Variants in PCDHA6 observed in about 807,000 individuals in gnomAD.
The protein encoded by PCDHA6 is protocadherin alpha 6.
Under a neutral mutation model 60.3 loss-of-function variants are expected in PCDHA6, and 55 were observed. That is an observed-to-expected ratio of 0.91 (90% CI 0.73 to 1.14). The LOEUF is 1.14. Ranked by LOEUF, PCDHA6 falls within the 50% of genes most tolerant of loss-of-function variation. PCDHA6 has a pLI of 0.00. For missense variants in PCDHA6, 1,327 were observed against 1,256.5 expected, an observed-to-expected ratio of 1.06 and a Z score of -0.85; for synonymous variants, 652 against 557.9, an observed-to-expected ratio of 1.17 and a Z score of -2.38.
rs890605582 is a variant in PCDHA6 at position 140,851,133 on chromosome 5, T to C, written c.2394+20648T>C. Reference sequence around the variant, plus strand: ...GAATCAATTTTATTTAAATTTGTGATTAAAGTGACATTGAATTTCTGATGC... The same window carrying C: ...GAATCAATTTTATTTAAATTTGTGACTAAAGTGACATTGAATTTCTGATGC... On this transcript the variant is annotated intron_variant, in intron 1 of 3. Transcript: ENST00000529310. 54 of 1,314,072 alleles carry C rather than the reference T, an allele frequency of 4.1e-5. 3 individuals carry two copies. Among genetic ancestry groups the C allele is most frequent in the Non-Finnish European group, 5.2e-5 (53 of 1,014,404 alleles). 81.4% of individuals were successfully genotyped at this position (1,314,072 alleles called of 1,614,324 possible). A position where few individuals can be genotyped will look rare whatever the true frequency, so the allele number is the denominator to read the frequency against.
chr5:140,982,615 A>G, intron 3 of PCDHA6, 52 bp downstream of exon 3: 1 of 1,596,392 alleles, frequency 6.3e-7, no homozygotes, highest in Non-Finnish European at 8.6e-7. Context: ...AAGTGATCAG[A>G]TGACCTACTT....
intron 1 of PCDHA6, chr5:140,869,884 G>C: frequency 1.9e-6 from 3 of 1,610,396 alleles, no homozygotes; most frequent in Non-Finnish European, 2.5e-6. Context: ...AGAAACTCTT[G>C]TGCTCAAACT....
At chr5:140,969,821 T>C (rs1358078633) in intron 1 of PCDHA6, among the ~76,000 whole-genome samples, 3 of 152,250 alleles carry the variant, frequency 2.0e-5, no homozygotes, top group Non-Finnish European at 4.4e-5. Flanking sequence ...TACTCTGGAC[T>C]GTCTACAGTG....
chr5:140,841,226 G>C (rs892482314), intron 1 of PCDHA6: 17 of 1,452,002 alleles, frequency 1.2e-5, no homozygotes, highest in African/African-American at 2.9e-5. Flanking sequence ...GCCGAACAAC[G>C]GGAGATGCAG....
Position 141,010,327 on chromosome 5 carries a change from G to T in PCDHA6, c.*390G>T, listed in dbSNP as rs2098416942. 5 of 1,539,742 alleles carry T rather than the reference G, an allele frequency of 3.2e-6. No individual in the cohort carries two copies. The highest frequency in any genetic ancestry group is 2.4e-5 in the South Asian group (2 of 82,532). On this transcript the variant is annotated 3_prime_UTR_variant, in exon 4 of 4. Transcript: ENST00000529310. ...AAAGTTTTGAGATTGAGCAGCTTGGGAGTTTGTGGCCACTGGGTATGTGTG... is the reference window on the plus strand; with the variant it reads ...AAAGTTTTGAGATTGAGCAGCTTGGTAGTTTGTGGCCACTGGGTATGTGTG...
intron 1 of PCDHA6, among the ~76,000 whole-genome samples, chr5:140,961,983 A>C (rs941028423): frequency 1.3e-5 from 2 of 151,532 alleles, no homozygotes; most frequent in Non-Finnish European, 2.9e-5. Context: ...TCCTGGGTTC[A>C]CGCCATTGTC....
chr5:140,841,337 C>G (rs1424910645), intron 1 of PCDHA6: 1 of 1,610,914 alleles, frequency 6.2e-7, no homozygotes, highest in Non-Finnish European at 8.5e-7. Context: ...TTATCACTGG[C>G]GAGGAGAGCT....
chr5:140,876,081 G>A (rs568872116), intron 1 of PCDHA6: 1 of 1,613,944 alleles, frequency 6.2e-7, no homozygotes, highest in African/African-American at 1.3e-5. Flanking sequence ...TGGACAGAGA[G>A]CAAACGCCAA....
chr5:140,907,727 C>T (rs2153502591), intron 1 of PCDHA6, among the ~76,000 whole-genome samples: 1 of 152,306 alleles, frequency 6.6e-6, no homozygotes, highest in Admixed American at 6.5e-5. Flanking sequence ...AACCTCCATC[C>T]CTGCCACCAT....
chr5:140,850,784 TAAG>T, intron 1 of PCDHA6: 1 of 1,597,982 alleles, frequency 6.3e-7, no homozygotes, highest in Non-Finnish European at 8.6e-7. Flanking sequence ...CTGGCGAGGG[TAAG>T]CAGAAGACCG....
chr5:140,868,468 TA>T (rs2050485574), intron 1 of PCDHA6: 1 of 152,446 alleles, frequency 6.6e-6, no homozygotes, highest in Non-Finnish European at 1.5e-5. Flanking sequence ...GCTGCTTTTA[TA>T]AAACTTCAAT....
intron 1 of PCDHA6, among the ~76,000 whole-genome samples, chr5:140,972,921 C>A (rs2096564401): frequency 6.6e-6 from 1 of 152,090 alleles, no homozygotes; most frequent in Non-Finnish European, 1.5e-5. Context: ...CTTGGCCTCC[C>A]AAAGTGCTGG....
chr5:140,927,412 G>A, intron 1 of PCDHA6: 1 of 1,614,122 alleles, frequency 6.2e-7, no homozygotes, highest in African/African-American at 1.3e-5. Context: ...CCTGGACATG[G>A]GATCGCGGGT....
intron 1 of PCDHA6, among the ~76,000 whole-genome samples, chr5:140,831,515 C>T (rs1771580711): frequency 2.3e-5 from 3 of 128,830 alleles, no homozygotes; most frequent in Admixed American, 1.7e-4. Flanking sequence ...CACCATGCCC[C>T]CCACCTTTTT....
intron 1 of PCDHA6, chr5:140,968,672 G>A: frequency 6.2e-7 from 1 of 1,614,180 alleles, no homozygotes; most frequent in Non-Finnish European, 8.5e-7. Context: ...CTTTAAGGTA[G>A]AGCTGCACAC....
intron 3 of PCDHA6, among the ~76,000 whole-genome samples, chr5:140,998,707 A>G (rs1230153468): frequency 6.6e-6 from 1 of 151,942 alleles, no homozygotes; most frequent in African/African-American, 2.4e-5. Flanking sequence ...TGGGATTACA[A>G]GCTTGCACCA....
Position 140,830,363 on chromosome 5 carries a change from G to T in PCDHA6, c.2272G>T (p.Val758Leu). The change falls in exon 1 of 4, where the codon GTG (valine) becomes TTG (leucine). Residue 758 changes from valine to leucine, a missense_variant. Transcript: ENST00000529310. ...GTACTCGCAGCAGAGGCGGCAGAGGGTGTGCTCCGGGGAGGGCCCACCCAA... is the reference window on the plus strand; with the variant it reads ...GTACTCGCAGCAGAGGCGGCAGAGGTTGTGCTCCGGGGAGGGCCCACCCAA... ...WSYSQQRRQR[V>L]CSGEGPPKMD... 6.2e-7 allele frequency: 1 copy of T among 1,614,138 alleles called. No homozygotes were observed. The highest frequency in any genetic ancestry group is 8.5e-7 in the Non-Finnish European group (1 of 1,179,988).
In PCDHA6 at chr5:140,849,870, G is replaced by T. The variant is rs2150455328; in HGVS notation, c.2394+19385G>T. ...CAACGCACCAGCGTTCGCGCAGTCC[G>T]AGTACACGGTGTTCGTGAAGGAGAA... On this transcript the variant is annotated intron_variant, in intron 1 of 3. Coordinates refer to ENST00000529310, the MANE Select transcript of PCDHA6 (RefSeq NM_018909.4). 25 of 1,598,494 alleles carry T rather than the reference G, an allele frequency of 1.6e-5. 2 individuals carry two copies. The highest frequency in any genetic ancestry group is 2.1e-5 in the Non-Finnish European group (24 of 1,167,988).
intron 1 of PCDHA6, among the ~76,000 whole-genome samples, chr5:140,938,831 A>G (rs782069247): frequency 2.0e-5 from 3 of 152,118 alleles, no homozygotes; most frequent in Non-Finnish European, 4.4e-5. Flanking sequence ...AGTTTGCGTT[A>G]TAACAAACCT....
Sources: gnomAD v4.1 joint callset for allele counts (sites outside exome capture counted in the v4.1 genomes callset) on GRCh38, gnomAD v4.1.1 for gene constraint, MANE v1.5 for transcripts, NCBI Gene and HGNC (gene_info 2026-07-23, HGNC 2026-07-21) for gene names.